PDE1A: variants seen among roughly 807,000 people sequenced by gnomAD.
PDE1A encodes phosphodiesterase 1A.
PDE1A carries 35 observed loss-of-function variants against 61.7 expected under a neutral mutation model. The observed-to-expected ratio is 0.57, with a 90% CI of 0.43 to 0.75. The LOEUF (loss-of-function observed/expected upper bound fraction) is 0.75. Ranked by LOEUF, PDE1A falls within the 30% of genes least tolerant of loss-of-function variation. The pLI is 0.00. For missense variants in PDE1A, 597 were observed against 630.6 expected, an observed-to-expected ratio of 0.95 and a Z score of 0.57; for synonymous variants, 232 against 213.2, an observed-to-expected ratio of 1.09 and a Z score of -0.77.
chr2:182,224,339 T>C (rs1470824813), intron 6 of PDE1A, among the ~76,000 whole-genome samples: 1 of 151,948 alleles, frequency 6.6e-6, no homozygotes, highest in African/African-American at 2.4e-5. Context: ...TATTAAAATG[T>C]CTTTTAGCCC....
intron 7 of PDE1A, among the ~76,000 whole-genome samples, chr2:182,207,088 A>G (rs1687170546): frequency 6.6e-6 from 1 of 152,164 alleles, no homozygotes; most frequent in African/African-American, 2.4e-5. Flanking sequence ...GATACCTAAA[A>G]ATGTGGAAGC....
the PDE1A span, among the ~76,000 whole-genome samples, chr2:182,713,243 A>C: frequency 6.6e-6 from 1 of 152,170 alleles, no homozygotes; most frequent in Non-Finnish European, 1.5e-5. Flanking sequence ...TTCCTTCATA[A>C]TTACAGATTT....
At chr2:182,636,056 C>T in the PDE1A span, among the ~76,000 whole-genome samples, 3 of 148,638 alleles carry the variant, frequency 2.0e-5, no homozygotes, top group Non-Finnish European at 1.5e-5. Context: ...CCCGGGTTCA[C>T]GCCATTCTCC....
chr2:182,705,776 A>C, the PDE1A span, among the ~76,000 whole-genome samples: 3 of 152,150 alleles, frequency 2.0e-5, no homozygotes, highest in Non-Finnish European at 2.9e-5. Flanking sequence ...GGCCTCCCAA[A>C]GTGTTGGGAC....
intron 1 of PDE1A, among the ~76,000 whole-genome samples, chr2:182,415,058 A>G (rs563548863): frequency 2.2e-4 from 34 of 152,142 alleles, no homozygotes; most frequent in Non-Finnish European, 4.4e-4. Flanking sequence ...AACATCATGA[A>G]ATAATGGTTC....
the PDE1A span, among the ~76,000 whole-genome samples, chr2:182,637,324 C>G: frequency 1.1e-4 from 17 of 152,180 alleles, no homozygotes; most frequent in Non-Finnish European, 2.4e-4. Flanking sequence ...CTTTGGCAGA[C>G]TGAAAATCCC....
At chr2:182,302,075 G>C (rs1195376772) in intron 1 of PDE1A, among the ~76,000 whole-genome samples, 1 of 152,162 alleles carries the variant, frequency 6.6e-6, no homozygotes, top group Non-Finnish European at 1.5e-5. Flanking sequence ...AGCAGGAATG[G>C]GGTGAAGTTA....
At chr2:182,160,466 CT>C (rs2125296397) in intron 13 of PDE1A, among the ~76,000 whole-genome samples, 1 of 152,238 alleles carries the variant, frequency 6.6e-6, no homozygotes, top group East Asian at 1.9e-4. Flanking sequence ...TCAGCTTTTT[CT>C]TTTGGCCTCT....
downstream of PDE1A, among the ~76,000 whole-genome samples, chr2:182,144,703 T>TC (rs1690403165): frequency 6.6e-6 from 1 of 152,208 alleles, no homozygotes. Flanking sequence ...GAATTAGCTA[T>TC]CAGTCACAAA....
intron 1 of PDE1A, among the ~76,000 whole-genome samples, chr2:182,309,319 A>C (rs529267536): frequency 6.6e-6 from 1 of 152,118 alleles, no homozygotes; most frequent in African/African-American, 2.4e-5. Flanking sequence ...AATAGAAAAT[A>C]ACATTGAGCA....
the PDE1A span, among the ~76,000 whole-genome samples, chr2:182,572,370 G>A: frequency 6.6e-6 from 1 of 152,062 alleles, no homozygotes; most frequent in South Asian, 2.1e-4. Context: ...ACAGGAGGAA[G>A]GAAAGAGAAG....
At chr2:182,454,230 C>G (rs1685737698) in intron 2 of PDE1A, among the ~76,000 whole-genome samples, 1 of 152,052 alleles carries the variant, frequency 6.6e-6, no homozygotes, top group South Asian at 2.1e-4. Flanking sequence ...AGGACCTCTT[C>G]AAGGAGAACT....
chr2:182,466,916 A>T (rs1478177881), intron 2 of PDE1A, among the ~76,000 whole-genome samples: 1 of 152,024 alleles, frequency 6.6e-6, no homozygotes, highest in African/African-American at 2.4e-5. Context: ...GCTGAATAGA[A>T]GCCTAGAGAA....
At chr2:182,641,842 C>T in the PDE1A span, among the ~76,000 whole-genome samples, 1 of 152,154 alleles carries the variant, frequency 6.6e-6, no homozygotes. Context: ...GTACATGAAA[C>T]AATACATGTC....
the PDE1A span, among the ~76,000 whole-genome samples, chr2:182,667,470 T>C: frequency 1.3e-5 from 2 of 152,214 alleles, no homozygotes; most frequent in Non-Finnish European, 2.9e-5. Flanking sequence ...TACAGTGCTC[T>C]TCAGAGTGTG....
intron 2 of PDE1A, among the ~76,000 whole-genome samples, chr2:182,491,899 T>G (rs898570906): frequency 1.3e-5 from 2 of 152,212 alleles, no homozygotes; most frequent in Non-Finnish European, 1.5e-5. Context: ...GCTTTTTATC[T>G]CATTCTACAT....
chr2:182,522,483 T>A (rs1348804802), intron 1 of PDE1A: 1 of 1,554,256 alleles, frequency 6.4e-7, no homozygotes, highest in Non-Finnish European at 8.7e-7. Flanking sequence ...CTCTCTTATC[T>A]ATCAAAACAG....
intron 7 of PDE1A, among the ~76,000 whole-genome samples, chr2:182,208,997 T>C (rs978049012): frequency 6.6e-6 from 1 of 152,158 alleles, no homozygotes; most frequent in African/African-American, 2.4e-5. Flanking sequence ...TGGAGTGAGT[T>C]AAGACTTTTG....
chr2:182,710,208 A>G, the PDE1A span, among the ~76,000 whole-genome samples: 1 of 152,164 alleles, frequency 6.6e-6, no homozygotes, highest in Non-Finnish European at 1.5e-5. Flanking sequence ...ATTACCTTCT[A>G]CATTTTTTAA....
Sources: gnomAD v4.1 joint callset for allele counts (sites outside exome capture counted in the v4.1 genomes callset) on GRCh38, gnomAD v4.1.1 for gene constraint, MANE v1.5 for transcripts, NCBI Gene and HGNC (gene_info 2026-07-23, HGNC 2026-07-21) for gene names.